Variants in TFPI observed in about 807,000 individuals in gnomAD.
The protein encoded by TFPI is anti-convertin.
Under a neutral mutation model 34.6 loss-of-function variants are expected in TFPI, and 15 were observed. The observed-to-expected ratio is 0.43, with a 90% CI of 0.29 to 0.67. TFPI has a LOEUF of 0.67. TFPI is among the 30% of genes least tolerant of loss of function. The pLI, the probability that TFPI is intolerant of heterozygous loss-of-function variation, is 0.15. For synonymous variants in TFPI, 105 were observed against 120.1 expected (o/e 0.87, Z 0.82); for missense variants, 301 against 364.0 (o/e 0.83, Z 1.41).
chr2:187,546,969 G>T (rs1688900717), intron 1 of TFPI: 1 of 152,176 alleles, frequency 6.6e-6, no homozygotes, highest in Non-Finnish European at 1.5e-5. Flanking sequence ...TGGAATTCAG[G>T]TTGATATTAC....
At chr2:187,467,680 TTAA>T (rs1373337438) in intron 7 of TFPI, 70 bp downstream of exon 7, 1 of 1,316,914 alleles carries the variant, frequency 7.6e-7, no homozygotes, top group African/African-American at 1.5e-5. Flanking sequence ...ATTTCATATC[TTAA>T]TAGATTATCA....
intron 2 of TFPI, among the ~76,000 whole-genome samples, chr2:187,500,107 T>C (rs1415506009): frequency 6.6e-6 from 1 of 152,206 alleles, no homozygotes; most frequent in African/African-American, 2.4e-5. Context: ...TCTAGTTCAA[T>C]CTGCTATTGA....
chr2:187,497,102 T>C, intron 2 of TFPI, 24 bp from the exon 3 acceptor site: 1 of 1,584,330 alleles, frequency 6.3e-7, no homozygotes, highest in South Asian at 1.1e-5. Flanking sequence ...ATAAAAGATA[T>C]AACATGTAAT....
chr2:187,465,704 G>GTCATGAAGCTAT lies in TFPI; in HGVS notation c.*1220_*1231dup, dbSNP rs202090590. On this transcript the variant is annotated 3_prime_UTR_variant, in exon 8 of 8. Coordinates refer to ENST00000233156, the MANE Select transcript of TFPI (RefSeq NM_006287.6). ...ATTATACTATCATTGTTAGCGAGAA[G>GTCATGAAGCTAT]TCATGAAGCTATTCATGAAGCTATT... is the stretch of plus-strand genomic sequence containing the variant. 3.3e-5 allele frequency: 5 copies of GTCATGAAGCTAT among 151,918 alleles called. No homozygotes were observed. The highest frequency in any genetic ancestry group is 2.1e-4 in the South Asian group (1 of 4,810). 9.4% of individuals were successfully genotyped at this position (151,918 alleles called of 1,614,324 possible). A position where few individuals can be genotyped will look rare whatever the true frequency, so the allele number is the denominator to read the frequency against.
At chr2:187,475,016 G>A (rs1045513927) in intron 6 of TFPI, among the ~76,000 whole-genome samples, 6 of 152,058 alleles carry the variant, frequency 3.9e-5, no homozygotes, top group Non-Finnish European at 7.4e-5. Flanking sequence ...CTGTTCTCCC[G>A]TAACCCTTGT....
chr2:187,513,415 A>G (rs1686782153), intron 1 of TFPI, among the ~76,000 whole-genome samples: 1 of 152,234 alleles, frequency 6.6e-6, no homozygotes, highest in African/African-American at 2.4e-5. Context: ...ACACACTAAT[A>G]TAAAGGTGAA....
chr2:187,509,659 T>G (rs1341796271), intron 1 of TFPI, among the ~76,000 whole-genome samples: 1 of 152,172 alleles, frequency 6.6e-6, no homozygotes, highest in African/African-American at 2.4e-5. Context: ...TTATCATTTT[T>G]TATTGTGTCT....
Position 187,503,756 on chromosome 2 carries a change from T to C in TFPI, c.13A>G (p.Met5Val), listed in dbSNP as rs938904582. The change falls in exon 2 of 8, where the codon ATG (methionine) becomes GTG (valine). Residue 5 changes from methionine (M) to valine (V), a missense_variant. Met to Val is a conservative substitution (Grantham distance 21, BLOSUM62 1). Transcript: ENST00000233156. MIYTMKKVHALWASV... is the reference protein window; with the variant it reads MIYTVKKVHALWASV... ...GCCCAAAGTGCATGTACTTTCTTCA[T>C]TGTGTAAATCATCTCTGAAATACAG... is the stretch of plus-strand genomic sequence containing the variant. 3 of 1,612,820 alleles carry C rather than the reference T, an allele frequency of 1.9e-6. No homozygotes were observed. The East Asian group carries it at 6.7e-5, about 36-fold the overall frequency.
At chr2:187,500,699 A>G (rs375834841) in intron 2 of TFPI, among the ~76,000 whole-genome samples, 2 of 152,298 alleles carry the variant, frequency 1.3e-5, no homozygotes. Flanking sequence ...TATTTCTTAT[A>G]GAAATCCTGT....
At chr2:187,477,090 G>A (rs1030713066) in intron 6 of TFPI, among the ~76,000 whole-genome samples, 2 of 152,056 alleles carry the variant, frequency 1.3e-5, no homozygotes, top group Non-Finnish European at 2.9e-5. Context: ...TTTTATGACT[G>A]GGGCAACAAA....
chr2:187,509,337 C>T (rs1478556770), intron 1 of TFPI, among the ~76,000 whole-genome samples: 1 of 152,148 alleles, frequency 6.6e-6, no homozygotes, highest in Non-Finnish European at 1.5e-5. Context: ...AGGTGTCCCT[C>T]TTTTTCTGTT....
intron 1 of TFPI, among the ~76,000 whole-genome samples, chr2:187,542,840 C>T (rs535180076): frequency 7.2e-6 from 1 of 138,562 alleles, no homozygotes; most frequent in Non-Finnish European, 1.5e-5. Flanking sequence ...GCACTCCAGC[C>T]TGGGTGACAG....
At chr2:187,487,718 G>A (rs1456273313) in intron 4 of TFPI, among the ~76,000 whole-genome samples, 1 of 151,240 alleles carries the variant, frequency 6.6e-6, no homozygotes, top group Non-Finnish European at 1.5e-5. Flanking sequence ...ATTATTTTTA[G>A]CTAAAAACAA....
chr2:187,482,062 C>T (rs1310560309), intron 6 of TFPI, among the ~76,000 whole-genome samples: 2 of 151,992 alleles, frequency 1.3e-5, no homozygotes, highest in East Asian at 1.9e-4. Context: ...CCCTTTCTAA[C>T]TTGGTAGTAT....
At chr2:187,499,965 A>T (rs980171783) in intron 2 of TFPI, among the ~76,000 whole-genome samples, 1 of 152,078 alleles carries the variant, frequency 6.6e-6, no homozygotes. Flanking sequence ...CAGAAAAATC[A>T]TTTTTCATAA....
rs1449194279 is a variant in TFPI, at chr2:187,551,429, GGAA to G, written c.-3+2768_-3+2770del. Among the ~76,000 whole-genome samples, 4 of 152,132 alleles carry G rather than the reference GGAA, an allele frequency of 2.6e-5. No individual in the cohort carries two copies. In the East Asian group the frequency reaches 7.7e-4, roughly 29 times the overall value. On this transcript the variant is annotated intron_variant, in intron 1 of 7. Transcript: ENST00000233156. ...ATACTTTCTGTTATTGTCGGTTTGA[GGAA>G]GAAGAAAAGTAGAGGTGAAGAAGTT...
chr2:187,473,897 T>A (rs1380715049), intron 6 of TFPI, among the ~76,000 whole-genome samples: 6 of 151,722 alleles, frequency 4.0e-5, no homozygotes, highest in African/African-American at 1.5e-4. Context: ...TGAAAGGTCA[T>A]AAAGAATAGA....
At chr2:187,532,584 G>A (rs1408770713) in intron 1 of TFPI, among the ~76,000 whole-genome samples, 1 of 152,330 alleles carries the variant, frequency 6.6e-6, no homozygotes, top group South Asian at 2.1e-4. Flanking sequence ...TTTGCAACCC[G>A]CAGACCAGGA....
chr2:187,491,170 T>A (rs1685098561), intron 3 of TFPI, among the ~76,000 whole-genome samples: 1 of 152,000 alleles, frequency 6.6e-6, no homozygotes, highest in South Asian at 2.1e-4. Context: ...CTCTTTCAGT[T>A]CTTTGTTTTT....
Sources: gnomAD v4.1 joint callset for allele counts (sites outside exome capture counted in the v4.1 genomes callset) on GRCh38, gnomAD v4.1.1 for gene constraint, MANE v1.5 for transcripts, NCBI Gene and HGNC (gene_info 2026-07-23, HGNC 2026-07-21) for gene names.